The following VASH2 variants were observed in gnomAD, a reference collection of about 807,000 sequenced individuals.
VASH2 encodes tubulinyl-Tyr carboxypeptidase 2.
Under a neutral mutation model 37.2 loss-of-function variants are expected in VASH2, and 28 were observed. The observed-to-expected ratio is 0.75, with a 90% CI of 0.56 to 1.03. The LOEUF (loss-of-function observed/expected upper bound fraction) is 1.03, where lower values mean the gene tolerates loss of function less well. VASH2 is among the 50% of genes least tolerant of loss of function. The pLI is 0.00. For synonymous variants in VASH2, 188 were observed against 174.7 expected (o/e 1.08, Z -0.60); for missense variants, 419 against 459.1 (o/e 0.91, Z 0.80).
At chr1:212,959,578 T>C (rs1666608058) in intron 2 of VASH2, among the ~76,000 whole-genome samples, 2 of 152,044 alleles carry the variant, frequency 1.3e-5, no homozygotes, top group South Asian at 4.1e-4. Context: ...ATTGAGGCAG[T>C]GAGAGGAAAG....
rs1666623230 is a variant in VASH2 at position 212,959,995 on chromosome 1, AC to A, written c.277-1167del. Among the ~76,000 whole-genome samples, 3 of 152,176 alleles carry A rather than the reference AC, an allele frequency of 2.0e-5. No homozygotes were observed. The South Asian group carries it at 6.2e-4, about 32-fold the overall frequency. On this transcript the variant is annotated intron_variant, in intron 2 of 7. Transcript: ENST00000517399. Reference sequence around the variant, plus strand: ...GGGCTGAGATTCTCTGTCACCAAGGACCCCAGGGAGACAGAGGTCAGAAGAC... The same window carrying A: ...GGGCTGAGATTCTCTGTCACCAAGGACCCAGGGAGACAGAGGTCAGAAGAC...
intron 3 of VASH2, among the ~76,000 whole-genome samples, chr1:212,962,101 C>T (rs578230556): frequency 1.1e-4 from 16 of 152,306 alleles, no homozygotes; most frequent in African/African-American, 2.6e-4. Flanking sequence ...TCCCCCGACT[C>T]GAGCTTGAAG....
At chr1:212,985,332 C>T (rs979486576) in intron 7 of VASH2, among the ~76,000 whole-genome samples, 1 of 150,094 alleles carries the variant, frequency 6.7e-6, no homozygotes, top group African/African-American at 2.5e-5. Context: ...TGACCCAGCG[C>T]ACCCAGCCAT....
intron 4 of VASH2, 100 bp downstream of exon 4, chr1:212,965,878 A>G (rs974327082): frequency 2.4e-6 from 3 of 1,257,148 alleles, no homozygotes; most frequent in East Asian, 2.5e-5. Flanking sequence ...TGGCTCAGGT[A>G]TCCTAGTCTG....
intron 3 of VASH2, among the ~76,000 whole-genome samples, chr1:212,962,099 C>G (rs911815152): frequency 1.3e-5 from 2 of 152,184 alleles, no homozygotes; most frequent in African/African-American, 4.8e-5. Flanking sequence ...TCTCCCCCGA[C>G]TCGAGCTTGA....
chr1:212,967,147 C>A, intron 5 of VASH2: 1 of 1,304,528 alleles, frequency 7.7e-7, no homozygotes, highest in South Asian at 1.2e-5. Context: ...TAGCTTCTCC[C>A]ACACTTTCTG....
chr1:212,959,669 C>T (rs147349422), intron 2 of VASH2, among the ~76,000 whole-genome samples: 5 of 152,368 alleles, frequency 3.3e-5, no homozygotes, highest in Non-Finnish European at 5.9e-5. Context: ...CGGGGGGCAG[C>T]GTGCCCTCAG....
intron 7 of VASH2, among the ~76,000 whole-genome samples, chr1:212,982,215 A>G (rs945914453): frequency 6.6e-6 from 1 of 152,180 alleles, no homozygotes; most frequent in East Asian, 1.9e-4. Flanking sequence ...CATTTACGTC[A>G]CAACAGGTGA....
At chr1:212,970,062 G>A (rs1024396044) in intron 5 of VASH2, among the ~76,000 whole-genome samples, 12 of 152,296 alleles carry the variant, frequency 7.9e-5, no homozygotes, top group African/African-American at 2.9e-4. Flanking sequence ...CCATGGTGGG[G>A]CTTGCTTGTG....
chr1:212,957,470 C>T (rs974919410), intron 2 of VASH2, among the ~76,000 whole-genome samples: 2 of 152,184 alleles, frequency 1.3e-5, no homozygotes, highest in African/African-American at 2.4e-5. Flanking sequence ...AAGAAGGTAT[C>T]TTCATGATGT....
In VASH2 at chr1:212,990,390, G is replaced by C. The variant is rs1193244975; in HGVS notation, c.*1806G>C. ...CAGCAAACCCATTCGCAGCCTCTTGGCCACATGTATTCAGATGTTTGAAAT... is the reference window on the plus strand; with the variant it reads ...CAGCAAACCCATTCGCAGCCTCTTGCCCACATGTATTCAGATGTTTGAAAT... On this transcript the variant is annotated 3_prime_UTR_variant, in exon 8 of 8. Coordinates refer to ENST00000517399, the MANE Select transcript of VASH2 (RefSeq NM_001301056.2). 6.6e-6 allele frequency: 1 copy of C among 152,098 alleles called. No homozygotes were observed. 9.4% of individuals were successfully genotyped at this position (152,098 alleles called of 1,614,324 possible). A position where few individuals can be genotyped will look rare whatever the true frequency, so the allele number is the denominator to read the frequency against.
chr1:212,981,222 T>C (rs1183344635), intron 7 of VASH2, among the ~76,000 whole-genome samples: 1 of 152,006 alleles, frequency 6.6e-6, no homozygotes, highest in Non-Finnish European at 1.5e-5. Flanking sequence ...GGCTGAAAAA[T>C]CTCTTCTGGG....
intron 7 of VASH2, among the ~76,000 whole-genome samples, chr1:212,976,620 C>A (rs1667181353): frequency 6.6e-6 from 1 of 151,440 alleles, no homozygotes; most frequent in African/African-American, 2.4e-5. Context: ...AGAAAAAGAG[C>A]CAGAACAGAA....
chr1:212,955,614 T>C (rs577427385), intron 2 of VASH2, among the ~76,000 whole-genome samples: 2 of 152,310 alleles, frequency 1.3e-5, no homozygotes, highest in South Asian at 4.1e-4. Flanking sequence ...TGGACTCTCC[T>C]TGGGGCAGAA....
intron 7 of VASH2, among the ~76,000 whole-genome samples, chr1:212,987,342 G>A (rs988320054): frequency 2.6e-5 from 4 of 151,522 alleles, no homozygotes; most frequent in African/African-American, 7.3e-5. Flanking sequence ...TTGGGAGACC[G>A]AGGCAGGCAG....
intron 3 of VASH2, among the ~76,000 whole-genome samples, chr1:212,961,893 C>T (rs894333741): frequency 5.9e-5 from 9 of 152,358 alleles, no homozygotes; most frequent in South Asian, 2.1e-4. Context: ...AGTCACCACA[C>T]GGAGCCCTCC....
intron 7 of VASH2, among the ~76,000 whole-genome samples, chr1:212,983,083 T>C (rs1667382457): frequency 6.6e-6 from 1 of 152,262 alleles, no homozygotes; most frequent in Non-Finnish European, 1.5e-5. Flanking sequence ...TTCACTATCA[T>C]CCATTTACAT....
At chr1:212,974,138 T>G in intron 7 of VASH2, 68 bp downstream of exon 7, 1 of 1,497,662 alleles carries the variant, frequency 6.7e-7, no homozygotes, top group Admixed American at 2.2e-5. Context: ...TCCTGGCCCA[T>G]GGGGACAAAG....
In VASH2 at chr1:212,991,039, G is replaced by GTTGT. The variant is rs1232493296; in HGVS notation, c.*2457_*2458insGTTT. 2.0e-5 allele frequency: 3 copies of GTTGT among 152,164 alleles called. No individual in the cohort carries two copies. Among genetic ancestry groups the GTTGT allele is most frequent in the African/African-American group, 7.2e-5 (3 of 41,448 alleles). 9.4% of individuals were successfully genotyped at this position (152,164 alleles called of 1,614,324 possible). A position where few individuals can be genotyped will look rare whatever the true frequency, so the allele number is the denominator to read the frequency against. ...GATTTGAAATCGGTTTTAAAAAGTT[G>GTTGT]TTAGTGCAAGAGAAATTTTATGTTT... On this transcript the variant is annotated 3_prime_UTR_variant, in exon 8 of 8. Transcript: ENST00000517399.
Sources: allele counts gnomAD v4.1 joint callset (sites outside exome capture counted in the v4.1 genomes callset), GRCh38; gene constraint gnomAD v4.1.1; transcripts MANE v1.5; gene names NCBI Gene and HGNC (gene_info 2026-07-23, HGNC 2026-07-21).